The following CRY1 variants were observed in gnomAD, a reference collection of about 807,000 sequenced individuals.
CRY1 encodes cryptochrome-1.
In CRY1, 45 loss-of-function variants were observed where a neutral mutation model predicts 76.0. The observed-to-expected ratio is 0.59, with a 90% confidence interval of 0.47 to 0.76. The LOEUF (loss-of-function observed/expected upper bound fraction) is 0.76, where lower values mean the gene tolerates loss of function less well. Ranked by LOEUF, CRY1 falls within the 30% of genes least tolerant of loss-of-function variation. The pLI is 0.00. For synonymous variants in CRY1, 248 were observed against 244.0 expected, an observed-to-expected ratio of 1.02 and a Z score of -0.15; for missense variants, 587 against 716.4, an observed-to-expected ratio of 0.82 and a Z score of 2.06.
chr12:106,994,719 A>G (rs1161410348), intron 10 of CRY1, among the ~76,000 whole-genome samples: 3 of 152,242 alleles, frequency 2.0e-5, no homozygotes, highest in Non-Finnish European at 2.9e-5. Flanking sequence ...TCTAAGAAGC[A>G]GTCTGTGCCA....
rs565646287 is a variant in CRY1, at chr12:106,993,639, A to G, written c.1586-603T>C. On this transcript the variant is annotated intron_variant, in intron 10 of 12. Coordinates refer to ENST00000008527, the MANE Select transcript of CRY1 (RefSeq NM_004075.5). Reference sequence around the variant, plus strand: ...TTATGGAAAAATATGAGCATTCTGGACCTATCCACGAGCAGGTGGATAGGT... The same window carrying G: ...TTATGGAAAAATATGAGCATTCTGGGCCTATCCACGAGCAGGTGGATAGGT... Among the ~76,000 whole-genome samples the G allele has an allele frequency of 3.3e-5, 5 of 152,164 alleles. No homozygotes were observed. The South Asian group carries it at 1.0e-3, about 32-fold the overall frequency.
At chr12:107,044,910 T>C (rs1252500276) in intron 1 of CRY1, among the ~76,000 whole-genome samples, 1 of 152,084 alleles carries the variant, frequency 6.6e-6, no homozygotes, top group Non-Finnish European at 1.5e-5. Context: ...AACTTTCTAT[T>C]ATGGGAGTTT....
At chr12:107,066,654 T>TG (rs905336913) in intron 1 of CRY1, among the ~76,000 whole-genome samples, 24 of 152,124 alleles carry the variant, frequency 1.6e-4, no homozygotes, top group African/African-American at 5.6e-4. Flanking sequence ...TTTGTTGAGA[T>TG]GGGGTTTCAC....
intron 2 of CRY1, among the ~76,000 whole-genome samples, chr12:107,021,229 G>A (rs1174606862): frequency 3.9e-5 from 6 of 152,220 alleles, no homozygotes; most frequent in South Asian, 4.1e-4. Context: ...GTTGTAGTGC[G>A]CTGAGATTGC....
At chr12:107,063,032 A>G (rs755811273) in intron 1 of CRY1, among the ~76,000 whole-genome samples, 4 of 152,226 alleles carry the variant, frequency 2.6e-5, no homozygotes, top group Admixed American at 2.6e-4. Context: ...TAAGTTAAAA[A>G]TATGTATTTC....
chr12:107,037,718 T>C (rs1477147981), intron 1 of CRY1, among the ~76,000 whole-genome samples: 1 of 152,010 alleles, frequency 6.6e-6, no homozygotes, highest in African/African-American at 2.4e-5. Context: ...TATTTATTTA[T>C]TTATTTTAGA....
chr12:107,044,644 C>T (rs760334851), intron 1 of CRY1, among the ~76,000 whole-genome samples: 6 of 152,026 alleles, frequency 3.9e-5, no homozygotes, highest in Non-Finnish European at 7.4e-5. Context: ...AAACAATTCA[C>T]AATATAAACA....
intron 1 of CRY1, among the ~76,000 whole-genome samples, chr12:107,072,128 T>C (rs1953197451): frequency 6.6e-6 from 1 of 152,226 alleles, no homozygotes; most frequent in Non-Finnish European, 1.5e-5. Context: ...TTCTCTCTTG[T>C]TTGTTCCTTT....
At chr12:107,028,003 A>T (rs1952634216) in intron 1 of CRY1, among the ~76,000 whole-genome samples, 1 of 152,210 alleles carries the variant, frequency 6.6e-6, no homozygotes, top group Admixed American at 6.5e-5. Context: ...AGCAATAAAA[A>T]CTACACTTAC....
At chr12:107,079,605 A>G (rs560289697) in intron 1 of CRY1, among the ~76,000 whole-genome samples, 5 of 152,284 alleles carry the variant, frequency 3.3e-5, no homozygotes, top group African/African-American at 4.8e-5. Context: ...ACTCAGCTAC[A>G]TCAGCCTCCT....
Position 106,991,590 on chromosome 12 carries a change from C to G in CRY1, c.*412G>C, listed in dbSNP as rs1415782724. 1 of 152,548 alleles carries G rather than the reference C, an allele frequency of 6.6e-6. No homozygotes were observed. The highest frequency in any genetic ancestry group is 1.9e-4 in the East Asian group (1 of 5,190). 9.4% of individuals were successfully genotyped at this position (152,548 alleles called of 1,614,324 possible). On this transcript the variant is annotated 3_prime_UTR_variant, in exon 13 of 13. Coordinates refer to ENST00000008527, the MANE Select transcript of CRY1 (RefSeq NM_004075.5). ...TCAAAGAGTGCAAAGTTAGATCAAA[C>G]AACATCAAGAAAATTCTGTCCTAAA... is the stretch of plus-strand genomic sequence containing the variant.
chr12:107,071,710 A>C (rs1231253358), intron 1 of CRY1, among the ~76,000 whole-genome samples: 1 of 152,226 alleles, frequency 6.6e-6, no homozygotes, highest in Admixed American at 6.5e-5. Context: ...AGAAGAAAAA[A>C]ATAAATATCT....
intron 2 of CRY1, among the ~76,000 whole-genome samples, chr12:107,015,789 A>G (rs1380508349): frequency 6.6e-6 from 1 of 152,018 alleles, no homozygotes. Flanking sequence ...GGCTAAAGTG[A>G]TCCTCCTACC....
intron 2 of CRY1, among the ~76,000 whole-genome samples, chr12:107,013,672 AG>A (rs1333593940): frequency 6.6e-6 from 1 of 152,220 alleles, no homozygotes; most frequent in Non-Finnish European, 1.5e-5. Context: ...TCAGTATGGT[AG>A]GTAGTAGCCA....
chr12:107,055,840 G>C (rs1952976193), intron 1 of CRY1, among the ~76,000 whole-genome samples: 1 of 151,600 alleles, frequency 6.6e-6, no homozygotes, highest in Non-Finnish European at 1.5e-5. Context: ...AAAAAAGAAT[G>C]AAAGAAAAGG....
chr12:107,077,633 C>A (rs565611895), intron 1 of CRY1, among the ~76,000 whole-genome samples: 144 of 152,242 alleles, frequency 9.5e-4, no homozygotes, highest in Non-Finnish European at 1.6e-3. Context: ...TCAGTCTTGA[C>A]TAAAAGTTAT....
intron 10 of CRY1, 66 bp downstream of exon 10, chr12:106,997,228 A>G (rs1178565244): frequency 6.1e-6 from 8 of 1,308,284 alleles, no homozygotes; most frequent in Non-Finnish European, 7.7e-6. Flanking sequence ...GTGAGGATCA[A>G]TAACAAATAT....
intron 1 of CRY1, among the ~76,000 whole-genome samples, chr12:107,053,323 AT>A (rs992076079): frequency 2.7e-5 from 4 of 150,108 alleles, no homozygotes; most frequent in African/African-American, 2.4e-5. Context: ...GTACAAATGT[AT>A]TTTTTTTTTG....
intron 2 of CRY1, among the ~76,000 whole-genome samples, chr12:107,014,665 C>A (rs889163508): frequency 2.0e-5 from 3 of 152,034 alleles, no homozygotes; most frequent in Non-Finnish European, 4.4e-5. Flanking sequence ...TTTTCTAATA[C>A]AATATTGAAA....
Sources: allele counts gnomAD v4.1 joint callset (sites outside exome capture counted in the v4.1 genomes callset), GRCh38; gene constraint gnomAD v4.1.1; transcripts MANE v1.5; gene names NCBI Gene and HGNC (gene_info 2026-07-23, HGNC 2026-07-21).